The following MID1 variants were observed in gnomAD, a reference collection of about 807,000 sequenced individuals.
MID1 encodes the protein midline 1.
Under a neutral mutation model 40.4 loss-of-function variants are expected in MID1, and 7 were observed. The ratio of observed to expected loss-of-function variants is 0.17; its 90% CI spans 0.10 to 0.33. MID1 has a LOEUF of 0.33. Ranked by LOEUF, MID1 falls within the 10% of genes least tolerant of loss-of-function variation. The pLI is 1.00. For synonymous variants in MID1, 229 were observed against 221.2 expected, an observed-to-expected ratio of 1.04 and a Z score of -0.31; for missense variants, 367 against 558.5, an observed-to-expected ratio of 0.66 and a Z score of 3.46.
intron 1 of MID1, among the ~76,000 whole-genome samples, chrX:10,782,084 C>G (rs1311136808): frequency 8.9e-6 from 1 of 112,233 alleles, no homozygotes; most frequent in African/African-American, 3.2e-5. Context: ...TCAGGGATAA[C>G]AAAAGAATTT....
Position 10,656,105 on chromosome X carries a change from A to C in MID1, c.-186-35686T>G, listed in dbSNP as rs755862363. ...CACACTTTATATTTTTTCTTAAAGT[A>C]AAACAATTTTTTGCCATTTGCAATC... On this transcript the variant is annotated intron_variant, in intron 1 of 10. Coordinates refer to the MID1 transcript ENST00000380785. 9.0e-4 allele frequency among the ~76,000 whole-genome samples: 101 copies of C among 112,643 alleles called. 1 individual carries two copies. Among genetic ancestry groups the C allele is most frequent in the African/African-American group, 2.8e-3 (87 of 31,069 alleles).
At chrX:10,600,241 G>A (rs763842253) in intron 1 of MID1, among the ~76,000 whole-genome samples, 2 of 110,478 alleles carry the variant, frequency 1.8e-5, no homozygotes, top group Non-Finnish European at 3.8e-5. Context: ...TGGGAAGATC[G>A]CTTGAGCCCA....
chrX:10,599,715 G>A (rs1263245030), intron 1 of MID1, among the ~76,000 whole-genome samples: 2 of 112,349 alleles, frequency 1.8e-5, no homozygotes, highest in East Asian at 5.6e-4. Flanking sequence ...AAACCAGCAC[G>A]CACAAACACT....
chrX:10,770,826 T>C (rs1320145188), intron 1 of MID1, among the ~76,000 whole-genome samples: 1 of 112,117 alleles, frequency 8.9e-6, no homozygotes, highest in Non-Finnish European at 1.9e-5. Flanking sequence ...TATACTTGGC[T>C]GGGTGCGGTG....
intron 7 of MID1, among the ~76,000 whole-genome samples, chrX:10,461,675 A>AAAAC (rs1929050686): frequency 1.8e-5 from 2 of 111,942 alleles, no homozygotes; most frequent in Non-Finnish European, 3.8e-5. Flanking sequence ...CAGTAGTAAT[A>AAAAC]AAACAAAAAA....
At chrX:10,482,746 G>T in intron 4 of MID1, 118 bp from the exon 5 acceptor site, 1 of 749,924 alleles carries the variant, frequency 1.3e-6, no homozygotes, top group Non-Finnish European at 2.0e-6. Context: ...TCAAAAAGTA[G>T]GCATAGAGAT....
At chrX:10,716,128 A>T (rs1009000047) in intron 1 of MID1, among the ~76,000 whole-genome samples, 5 of 111,779 alleles carry the variant, frequency 4.5e-5, no homozygotes, top group Non-Finnish European at 9.4e-5. Flanking sequence ...AAATCTAAAA[A>T]TCAAGCACCT....
chrX:10,676,639 T>A (rs764994475), intron 1 of MID1, among the ~76,000 whole-genome samples: 7 of 111,114 alleles, frequency 6.3e-5, no homozygotes, highest in African/African-American at 2.3e-4. Context: ...AGGATTTTTC[T>A]CACAAAGCAC....
chrX:10,523,661 C>A (rs1454460450), intron 2 of MID1, among the ~76,000 whole-genome samples: 2 of 111,917 alleles, frequency 1.8e-5, no homozygotes, highest in Non-Finnish European at 3.8e-5. Context: ...ACAATAAGGT[C>A]ATTTATAGAC....
intron 1 of MID1, among the ~76,000 whole-genome samples, chrX:10,765,641 T>C (rs1376697269): frequency 2.7e-5 from 3 of 111,633 alleles, no homozygotes; most frequent in Non-Finnish European, 1.9e-5. Context: ...TTTATCACTG[T>C]TAATGTAAAG....
At position 10,474,717 on chromosome X, in the gene MID1, T is replaced by A; in HGVS notation, c.1047A>T (p.Leu349=). ...TGTCATTGAGGTTGATTTCAGGAAT[T>A]AGAACCTGGGAGGATGCAGTTGCCA... is the stretch of plus-strand genomic sequence containing the variant. ...VSMATASSQV[L]IPEINLNDTF... The change falls in exon 6 of 10, where the codon CTA becomes CTT. Residue 349 remains leucine (L), a synonymous_variant. Coordinates refer to ENST00000317552, the MANE Select transcript of MID1 (RefSeq NM_000381.4). 3 of 1,208,879 alleles carry A rather than the reference T, an allele frequency of 2.5e-6. No individual in the cohort carries two copies. The South Asian group carries it at 5.3e-5, about 21-fold the overall frequency.
At chrX:10,649,700 T>C (rs1936297642) in intron 1 of MID1, among the ~76,000 whole-genome samples, 2 of 111,943 alleles carry the variant, frequency 1.8e-5, no homozygotes, top group Admixed American at 9.5e-5. Flanking sequence ...ATTTTTAATA[T>C]GAACCGTGCA....
intron 2 of MID1, among the ~76,000 whole-genome samples, chrX:10,556,071 A>G (rs1934107808): frequency 9.5e-6 from 1 of 104,807 alleles, no homozygotes; most frequent in South Asian, 4.2e-4. Flanking sequence ...TTCATCATTT[A>G]CTCACATACC....
chrX:10,449,024 A>T lies in MID1; in HGVS notation c.*344T>A. On this transcript the variant is annotated 3_prime_UTR_variant, in exon 10 of 10. Transcript: ENST00000317552. ...TTTTTGTTTTTTTGTAAGCCCACAG[A>T]TTGTGATGAAATGAAGGTTGTAAAT... 1 of 194,264 alleles carries T rather than the reference A, an allele frequency of 5.1e-6. No individual in the cohort carries two copies. The highest frequency in any genetic ancestry group is 1.0e-4 in the East Asian group (1 of 9,813). 16.0% of individuals were successfully genotyped at this position (194,264 alleles called of 1,213,427 possible). A position where few individuals can be genotyped will look rare whatever the true frequency, so the allele number is the denominator to read the frequency against.
intron 1 of MID1, among the ~76,000 whole-genome samples, chrX:10,740,789 C>T (rs1327083590): frequency 9.0e-5 from 10 of 110,691 alleles, no homozygotes. Context: ...AACTCTTCTT[C>T]AGTGTTAACT....
chrX:10,796,575 C>T (rs964343767), intron 1 of MID1, among the ~76,000 whole-genome samples: 4 of 110,045 alleles, frequency 3.6e-5, no homozygotes, highest in African/African-American at 1.3e-4. Flanking sequence ...TAGTAGCTTG[C>T]ACCTTGTGAT....
intron 1 of MID1, among the ~76,000 whole-genome samples, chrX:10,763,385 G>A (rs1329965514): frequency 5.2e-5 from 5 of 95,746 alleles, no homozygotes; most frequent in Admixed American, 2.7e-4. Context: ...CTCATTGTTC[G>A]ATTCCCACCT....
At chrX:10,809,169 A>G (rs2044074063) in intron 1 of MID1, among the ~76,000 whole-genome samples, 1 of 112,282 alleles carries the variant, frequency 8.9e-6, no homozygotes, top group Non-Finnish European at 1.9e-5. Context: ...CAAAAGACAC[A>G]TGAAAAAATG....
upstream of MID1, among the ~76,000 whole-genome samples, chrX:10,622,605 A>G (rs907215688): frequency 8.9e-6 from 1 of 111,896 alleles, no homozygotes; most frequent in African/African-American, 3.3e-5. Flanking sequence ...ATGTGAGGAC[A>G]CAGCAACAAG....
Sources: allele counts gnomAD v4.1 joint callset (sites outside exome capture counted in the v4.1 genomes callset), GRCh38; gene constraint gnomAD v4.1.1; transcripts MANE v1.5; gene names NCBI Gene and HGNC (gene_info 2026-07-23, HGNC 2026-07-21).